SH3KBP1: variants seen among roughly 807,000 people sequenced by gnomAD.
SH3KBP1 encodes SH3 domain containing kinase binding protein 1, also known as SH3 domain-containing kinase-binding protein 1.
Under a neutral mutation model 50.1 loss-of-function variants are expected in SH3KBP1, and 8 were observed. The ratio of observed to expected loss-of-function variants is 0.16; its 90% confidence interval spans 0.09 to 0.29. The LOEUF is 0.29. Among genes scored for constraint, SH3KBP1 ranks in the 10% least tolerant of loss-of-function variants. The pLI is 1.00. For missense variants in SH3KBP1, 377 were observed against 535.2 expected, an observed-to-expected ratio of 0.70 and a Z score of 2.92; for synonymous variants, 227 against 218.6, an observed-to-expected ratio of 1.04 and a Z score of -0.34.
chrX:19,553,920 A>AATATTAAAATATATAATATATAATAT (rs1569277336), intron 13 of SH3KBP1, among the ~76,000 whole-genome samples: 4 of 59,584 alleles, frequency 6.7e-5, no homozygotes, highest in Non-Finnish European at 9.2e-5. Flanking sequence ...TATTATATAT[A>AATATTAAAATATATAATATATAATAT]ATATTAAAAT....
At chrX:19,773,748 T>C (rs111306273) in intron 2 of SH3KBP1, among the ~76,000 whole-genome samples, 2,655 of 101,687 alleles carry the variant, frequency 0.026, 90 homozygotes, top group African/African-American at 0.092. Context: ...CCCAGCTACT[T>C]GGGAGGCTGA....
intron 2 of SH3KBP1, among the ~76,000 whole-genome samples, chrX:19,761,162 G>C (rs1290673271): frequency 1.4e-5 from 1 of 71,997 alleles, no homozygotes; most frequent in Non-Finnish European, 2.6e-5. Flanking sequence ...GAGAGGTAGA[G>C]AGGGGGGAGG....
chrX:19,603,209 G>C (rs1184093729), intron 9 of SH3KBP1, among the ~76,000 whole-genome samples: 1 of 112,204 alleles, frequency 8.9e-6, no homozygotes, highest in African/African-American at 3.2e-5. Context: ...GCATGAAGGA[G>C]CCTCAAGTGA....
intron 6 of SH3KBP1, among the ~76,000 whole-genome samples, chrX:19,680,420 A>G (rs1037503755): frequency 1.8e-5 from 2 of 109,471 alleles, no homozygotes; most frequent in Admixed American, 9.8e-5. Context: ...AACCTGAACG[A>G]AAAGTATAAT....
intron 3 of SH3KBP1, among the ~76,000 whole-genome samples, chrX:19,730,921 T>G (rs778292117): frequency 8.9e-6 from 1 of 111,862 alleles, no homozygotes; most frequent in East Asian, 2.8e-4. Context: ...TTTCATTTAT[T>G]TTATTTTATT....
At chrX:19,834,421 G>A (rs1332504034) in intron 2 of SH3KBP1, among the ~76,000 whole-genome samples, 2 of 111,996 alleles carry the variant, frequency 1.8e-5, no homozygotes, top group Non-Finnish European at 3.8e-5. Flanking sequence ...TTCCCACTGA[G>A]GACAACCCAT....
chrX:19,857,484 A>G (rs1377358812), intron 1 of SH3KBP1, among the ~76,000 whole-genome samples: 5 of 110,614 alleles, frequency 4.5e-5, no homozygotes, highest in African/African-American at 1.6e-4. Flanking sequence ...GCACTTTGGG[A>G]GGCCAAGATG....
intron 8 of SH3KBP1, among the ~76,000 whole-genome samples, chrX:19,614,048 C>G (rs1007995351): frequency 8.9e-6 from 1 of 112,881 alleles, no homozygotes; most frequent in Non-Finnish European, 1.9e-5. Context: ...ATTTGTCATG[C>G]GACCCAGCGC....
intron 6 of SH3KBP1, among the ~76,000 whole-genome samples, chrX:19,676,751 C>T: frequency 8.9e-6 from 1 of 112,570 alleles, no homozygotes; most frequent in East Asian, 2.8e-4. Context: ...AATTTTAATT[C>T]TAATTATCTG....
chrX:19,680,311 C>T (rs1387704577), intron 6 of SH3KBP1, among the ~76,000 whole-genome samples: 1 of 102,292 alleles, frequency 9.8e-6, no homozygotes, highest in East Asian at 3.1e-4. Flanking sequence ...ACCTGGGAGG[C>T]AGAGGTTGCT....
At chrX:19,758,988 A>G (rs1047134436) in intron 2 of SH3KBP1, among the ~76,000 whole-genome samples, 2 of 112,383 alleles carry the variant, frequency 1.8e-5, no homozygotes, top group African/African-American at 6.5e-5. Context: ...GTCTAACAGA[A>G]AAAAATTTAA....
chrX:19,631,001 C>T (rs1013472644), intron 8 of SH3KBP1, among the ~76,000 whole-genome samples: 3 of 111,627 alleles, frequency 2.7e-5, no homozygotes, highest in Non-Finnish European at 5.7e-5. Flanking sequence ...CTGCATCCTC[C>T]ACCCTGCCAA....
intron 1 of SH3KBP1, among the ~76,000 whole-genome samples, chrX:19,849,458 G>A (rs1189637284): frequency 9.1e-6 from 1 of 110,437 alleles, no homozygotes; most frequent in Non-Finnish European, 1.9e-5. Context: ...GGAGGCTGAG[G>A]TGGACGGATC....
intron 1 of SH3KBP1, among the ~76,000 whole-genome samples, chrX:19,840,542 T>C (rs1317982075): frequency 1.8e-5 from 2 of 112,261 alleles, no homozygotes; most frequent in Non-Finnish European, 3.8e-5. Context: ...TTTAGGATAA[T>C]ACTTGGCAAA....
intron 2 of SH3KBP1, among the ~76,000 whole-genome samples, chrX:19,760,041 CCTCTCTCTCTCTCTCTCTCT>C (rs745515349): frequency 1.2e-4 from 6 of 50,453 alleles, no homozygotes; most frequent in African/African-American, 3.7e-4. Context: ...TCTCTCTCTC[CCTCTCTCTCTCTCTCTCTCT>C]CTCTCTCTCT....
At position 19,841,908 on chromosome X, in the gene SH3KBP1, G is replaced by A. The variant is rs778961769; in HGVS notation, c.5-5626C>T. ...ATACAGACTTTCACACCATTGATGC[G>A]GGCGGGGGGGTGGGGGGGGGCTCTT... is the stretch of plus-strand genomic sequence containing the variant. On this transcript the variant is annotated intron_variant, in intron 1 of 17. Coordinates refer to ENST00000397821, the MANE Select transcript of SH3KBP1 (RefSeq NM_031892.3). 1.8e-3 allele frequency among the ~76,000 whole-genome samples: 160 copies of A among 88,704 alleles called. 2 individuals carry two copies. Among genetic ancestry groups the A allele is most frequent in the Non-Finnish European group, 2.9e-3 (131 of 45,356 alleles). 77.0% of individuals were successfully genotyped at this position (88,704 alleles called of 115,157 possible). A position where few individuals can be genotyped will look rare whatever the true frequency, so the allele number is the denominator to read the frequency against.
chrX:19,582,069 G>T (rs995819078), intron 12 of SH3KBP1, among the ~76,000 whole-genome samples: 6 of 111,351 alleles, frequency 5.4e-5, no homozygotes, highest in African/African-American at 6.5e-5. Context: ...GCCTATCTTC[G>T]AAAGCAATTC....
chrX:19,873,922 G>A (rs896126874), intron 1 of SH3KBP1, among the ~76,000 whole-genome samples: 7 of 101,849 alleles, frequency 6.9e-5, no homozygotes, highest in Non-Finnish European at 7.9e-5. Flanking sequence ...GGTGGTGTGC[G>A]CCTGTAATCC....
intron 16 of SH3KBP1, 113 bp from the exon 17 acceptor site, chrX:19,537,893 T>A (rs2064766798): frequency 1.6e-6 from 1 of 606,344 alleles, no homozygotes; most frequent in Non-Finnish European, 2.7e-6. Context: ...ACAAAGAAAC[T>A]GTGGACAACA....
Sources: allele counts gnomAD v4.1 joint callset (sites outside exome capture counted in the v4.1 genomes callset), GRCh38; gene constraint gnomAD v4.1.1; transcripts MANE v1.5; gene names NCBI Gene and HGNC (gene_info 2026-07-23, HGNC 2026-07-21).